The following CPVL variants were observed in gnomAD, a reference collection of about 807,000 sequenced individuals.
CPVL encodes probable serine carboxypeptidase CPVL.
Under a neutral mutation model 63.7 loss-of-function variants are expected in CPVL, and 51 were observed. That is an observed-to-expected ratio of 0.80 (90% confidence interval 0.64 to 1.01). CPVL has a LOEUF of 1.01. CPVL is among the 50% of genes least tolerant of loss of function. CPVL has a pLI of 0.00. For synonymous variants in CPVL, 195 were observed against 206.0 expected, an observed-to-expected ratio of 0.95 and a Z score of 0.46; for missense variants, 530 against 573.1, an observed-to-expected ratio of 0.92 and a Z score of 0.77.
intron 1 of CPVL, among the ~76,000 whole-genome samples, chr7:29,130,997 A>G (rs915689612): frequency 1.3e-5 from 2 of 152,162 alleles, no homozygotes; most frequent in African/African-American, 4.8e-5. Context: ...TCTCATGGCA[A>G]AGTCAGTGTC....
At chr7:29,062,385 T>C (rs1270960033) in intron 11 of CPVL, among the ~76,000 whole-genome samples, 4 of 152,144 alleles carry the variant, frequency 2.6e-5, no homozygotes, top group African/African-American at 9.7e-5. Flanking sequence ...TAAGGGCCAC[T>C]ACATGTCCCC....
At chr7:29,045,378 G>T (rs1789511689) in intron 11 of CPVL, among the ~76,000 whole-genome samples, 1 of 152,072 alleles carries the variant, frequency 6.6e-6, no homozygotes, top group African/African-American at 2.4e-5. Flanking sequence ...AGTATAAATT[G>T]GTTTTCGAAT....
chr7:29,129,975 T>C (rs545114367), intron 1 of CPVL, among the ~76,000 whole-genome samples: 12 of 152,282 alleles, frequency 7.9e-5, no homozygotes, highest in Admixed American at 2.0e-4. Context: ...CATCAACAGC[T>C]AGAAGAGGCA....
intron 5 of CPVL, among the ~76,000 whole-genome samples, chr7:29,167,366 T>A (rs1562804219): frequency 1.3e-5 from 2 of 152,224 alleles, no homozygotes; most frequent in Non-Finnish European, 2.9e-5. Context: ...TGGTATTTCA[T>A]TAAATGAATA....
chr7:29,192,722 G>A (rs1490700547), intron 1 of CPVL: 7 of 152,164 alleles, frequency 4.6e-5, no homozygotes, highest in Non-Finnish European at 7.3e-5. Context: ...TTTTGTGGCA[G>A]GTGTAGAAAC....
At chr7:29,039,476 T>C (rs1050278999) in intron 11 of CPVL, among the ~76,000 whole-genome samples, 2 of 152,212 alleles carry the variant, frequency 1.3e-5, no homozygotes, top group African/African-American at 4.8e-5. Context: ...GGCAGTGCCA[T>C]GATGATAATC....
At chr7:29,102,958 C>CA (rs1787310192) in intron 3 of CPVL, among the ~76,000 whole-genome samples, 1 of 152,082 alleles carries the variant, frequency 6.6e-6, no homozygotes, top group South Asian at 2.1e-4. Context: ...AAGTGAAACT[C>CA]ATTGAAACAA....
intron 5 of CPVL, among the ~76,000 whole-genome samples, chr7:29,175,234 GCA>G: frequency 6.6e-6 from 1 of 151,760 alleles, no homozygotes; most frequent in South Asian, 2.1e-4. Context: ...GAGTGTAGTG[GCA>G]CGATCTCTGC....
At chr7:29,032,822 GT>G (rs1295707593) in intron 11 of CPVL, among the ~76,000 whole-genome samples, 4 of 152,148 alleles carry the variant, frequency 2.6e-5, no homozygotes, top group Middle Eastern at 3.4e-3. Context: ...TCAATGTGAT[GT>G]TTTTTTCATC....
At chr7:29,153,050 G>GCA (rs1457680980) in intron 5 of CPVL, among the ~76,000 whole-genome samples, 1 of 152,178 alleles carries the variant, frequency 6.6e-6, no homozygotes, top group East Asian at 1.9e-4. Flanking sequence ...TGTAAAGGTA[G>GCA]CACTCTACAC....
chr7:29,008,121 A>AC (rs1190656368), intron 12 of CPVL, among the ~76,000 whole-genome samples: 1 of 152,184 alleles, frequency 6.6e-6, no homozygotes. Context: ...AGAGGAGTAC[A>AC]AAGGGCCTCA....
At chr7:29,057,870 T>C (rs318112) in intron 11 of CPVL, among the ~76,000 whole-genome samples, 7,703 of 152,270 alleles carry the variant, frequency 0.051, 670 homozygotes, top group African/African-American at 0.18. Context: ...TATTTGCCTA[T>C]TCTTTTGCCA....
At chr7:29,073,365 A>G (rs928590039) in intron 7 of CPVL, among the ~76,000 whole-genome samples, 2 of 152,126 alleles carry the variant, frequency 1.3e-5, no homozygotes, top group South Asian at 4.1e-4. Flanking sequence ...TCTCCATCAC[A>G]TCATCTCTGG....
At chr7:29,103,682 G>T (rs1288515758) in intron 3 of CPVL, among the ~76,000 whole-genome samples, 2 of 152,134 alleles carry the variant, frequency 1.3e-5, no homozygotes, top group Admixed American at 1.3e-4. Context: ...CCAATCTTCA[G>T]GACTGGTTAC....
At chr7:29,166,159 T>A (rs1326738676) in intron 5 of CPVL, among the ~76,000 whole-genome samples, 2 of 152,086 alleles carry the variant, frequency 1.3e-5, no homozygotes. Flanking sequence ...CCCTCCCAAG[T>A]AGCTAGGACC....
intron 3 of CPVL, among the ~76,000 whole-genome samples, chr7:29,108,815 C>T (rs150234736): frequency 1.5e-3 from 227 of 152,312 alleles, no homozygotes; most frequent in Non-Finnish European, 2.6e-3. Flanking sequence ...GCTTAAGCAG[C>T]GAAGCCAAGA....
intron 5 of CPVL, among the ~76,000 whole-genome samples, chr7:29,162,211 C>T (rs1189094033): frequency 6.6e-6 from 1 of 152,202 alleles, no homozygotes; most frequent in Non-Finnish European, 1.5e-5. Context: ...CACACAAAAA[C>T]TGTTCACAAA....
intron 7 of CPVL, among the ~76,000 whole-genome samples, chr7:29,082,018 T>C (rs979483734): frequency 2.0e-5 from 3 of 152,220 alleles, no homozygotes; most frequent in African/African-American, 7.2e-5. Flanking sequence ...AGAAAACCAT[T>C]TCTGAATTTG....
chr7:29,192,236 T>A (rs1421863009), intron 1 of CPVL: 1 of 152,316 alleles, frequency 6.6e-6, no homozygotes, highest in Non-Finnish European at 1.5e-5. Flanking sequence ...CTCAGCTTTT[T>A]TCTACTTCTG....
Sources: allele counts gnomAD v4.1 joint callset (sites outside exome capture counted in the v4.1 genomes callset), GRCh38; gene constraint gnomAD v4.1.1; transcripts MANE v1.5; gene names NCBI Gene and HGNC (gene_info 2026-07-23, HGNC 2026-07-21).